Variants in LRRC3B observed in about 807,000 individuals in gnomAD.
LRRC3B encodes the protein leucine-rich repeat-containing protein 3B.
Under a neutral mutation model 12.8 loss-of-function variants are expected in LRRC3B, and 2 were observed. That is an observed-to-expected ratio of 0.16 (90% confidence interval 0.06 to 0.49). LRRC3B has a LOEUF of 0.49. Ranked by LOEUF, LRRC3B falls within the 20% of genes least tolerant of loss-of-function variation. LRRC3B has a pLI of 0.96. For missense variants in LRRC3B, 189 were observed against 319.4 expected (o/e 0.59, Z 3.11); for synonymous variants, 132 against 122.0 (o/e 1.08, Z -0.54).
At chr3:26,693,288 C>T (rs1478525148) in intron 1 of LRRC3B, among the ~76,000 whole-genome samples, 1 of 140,866 alleles carries the variant, frequency 7.1e-6, no homozygotes, top group South Asian at 2.3e-4. Context: ...GAGATCGCGC[C>T]ACTGCACTCC....
intron 1 of LRRC3B, among the ~76,000 whole-genome samples, chr3:26,681,884 A>T (rs1575157146): frequency 6.6e-6 from 1 of 152,220 alleles, no homozygotes; most frequent in Non-Finnish European, 1.5e-5. Flanking sequence ...TGAAGCCATG[A>T]ATAGTACTAA....
intron 1 of LRRC3B, among the ~76,000 whole-genome samples, chr3:26,690,703 T>C (rs561976102): frequency 3.9e-5 from 6 of 152,166 alleles, no homozygotes; most frequent in East Asian, 3.9e-4. Context: ...TTCCTTACTA[T>C]GTAAGGAAGA....
intron 1 of LRRC3B, among the ~76,000 whole-genome samples, chr3:26,626,168 G>A (rs1434369970): frequency 1.3e-5 from 2 of 152,212 alleles, no homozygotes; most frequent in Admixed American, 6.5e-5. Flanking sequence ...CTCAAAGTTT[G>A]TTGGGGTACA....
intron 1 of LRRC3B, among the ~76,000 whole-genome samples, chr3:26,656,909 T>C (rs978876907): frequency 2.0e-5 from 3 of 152,310 alleles, no homozygotes; most frequent in South Asian, 2.1e-4. Context: ...AAGACCTAGA[T>C]TTTGGAATAG....
At chr3:26,680,994 T>C (rs1044724200) in intron 1 of LRRC3B, among the ~76,000 whole-genome samples, 30 of 152,232 alleles carry the variant, frequency 2.0e-4, no homozygotes, top group African/African-American at 7.2e-4. Context: ...TTTTGTTCTC[T>C]CAAATATTTA....
chr3:26,652,546 A>G (rs1010726888), intron 1 of LRRC3B, among the ~76,000 whole-genome samples: 4 of 152,154 alleles, frequency 2.6e-5, no homozygotes, highest in Admixed American at 2.6e-4. Flanking sequence ...CAGTGGGGGG[A>G]AAATGTGTAG....
At chr3:26,654,307 G>T (rs541940448) in intron 1 of LRRC3B, among the ~76,000 whole-genome samples, 1 of 152,304 alleles carries the variant, frequency 6.6e-6, no homozygotes, top group African/African-American at 2.4e-5. Context: ...GTGAGCATGT[G>T]TAGCAATGCT....
At chr3:26,661,458 G>T (rs897241975) in intron 1 of LRRC3B, among the ~76,000 whole-genome samples, 13 of 151,936 alleles carry the variant, frequency 8.6e-5, no homozygotes, top group Non-Finnish European at 8.8e-5. Flanking sequence ...ATGTCTTTAG[G>T]TATGTAGTTG....
intron 1 of LRRC3B, among the ~76,000 whole-genome samples, chr3:26,652,634 C>G (rs1699288425): frequency 1.3e-5 from 2 of 152,132 alleles, no homozygotes; most frequent in Non-Finnish European, 2.9e-5. Context: ...AAGTATGTCT[C>G]TGCAAAGGCA....
At position 26,664,695 on chromosome 3, in the gene LRRC3B, T is replaced by C. The variant is rs35005575; in HGVS notation, c.-161+41458T>C. 5.0e-3 allele frequency among the ~76,000 whole-genome samples: 764 copies of C among 152,138 alleles called. 1 individual carries two copies. The highest frequency in any genetic ancestry group is 8.5e-3 in the Non-Finnish European group (575 of 67,976). On this transcript the variant is annotated intron_variant, in intron 1 of 1. Coordinates refer to ENST00000396641, the Ensembl canonical transcript of LRRC3B. ...CGAGAGAGACCCACAGAGAATAATT[T>C]TGGGTCAGTTCTGTGGTGGAGTTCT...
intron 1 of LRRC3B, among the ~76,000 whole-genome samples, chr3:26,677,492 A>G (rs1003840562): frequency 1.3e-5 from 2 of 152,170 alleles, no homozygotes; most frequent in East Asian, 3.9e-4. Flanking sequence ...CCACATTGGA[A>G]GGGCTGGCAG....
intron 1 of LRRC3B, among the ~76,000 whole-genome samples, chr3:26,648,852 G>T (rs1003603630): frequency 2.6e-5 from 4 of 152,210 alleles, no homozygotes; most frequent in African/African-American, 9.7e-5. Context: ...ATCAGCAAAT[G>T]ATCTGTAATA....
intron 1 of LRRC3B, among the ~76,000 whole-genome samples, chr3:26,627,217 C>T (rs923666877): frequency 2.6e-5 from 4 of 152,292 alleles, no homozygotes; most frequent in African/African-American, 4.8e-5. Context: ...TCCAAGAACA[C>T]CTCATGTCTT....
At chr3:26,661,236 C>T (rs963558043) in intron 1 of LRRC3B, among the ~76,000 whole-genome samples, 1 of 152,156 alleles carries the variant, frequency 6.6e-6, no homozygotes, top group African/African-American at 2.4e-5. Flanking sequence ...AGTCAAAAGG[C>T]AGATTCCTCT....
At chr3:26,671,413 G>GAGAGAGAGAGAGAGAGGGAGAGAGAC (rs9331540) in intron 1 of LRRC3B, among the ~76,000 whole-genome samples, 1 of 99,388 alleles carries the variant, frequency 1.0e-5, no homozygotes, top group African/African-American at 4.3e-5. Flanking sequence ...GAGAGAGAGA[G>GAGAGAGAGAGAGAGAGGGAGAGAGAC]ACGAAGTCTT....
At position 26,701,982 on chromosome 3, in the gene LRRC3B, C is replaced by A. The variant is rs144770221; in HGVS notation, c.-160-7531C>A. ...AGATGAATTCATCACTTAACAAATACCTGATGTGTAATAAATGCCAAGCAA... is the reference window on the plus strand; with the variant it reads ...AGATGAATTCATCACTTAACAAATAACTGATGTGTAATAAATGCCAAGCAA... On this transcript the variant is annotated intron_variant, in intron 1 of 1. Transcript: ENST00000396641. Among the ~76,000 whole-genome samples the A allele has an allele frequency of 5.3e-3, 799 of 152,186 alleles. 3 individuals carry two copies. The highest frequency in any genetic ancestry group is 0.02 in the South Asian group (97 of 4,820).
In LRRC3B at chr3:26,680,617, C is replaced by T. The variant is rs145889496; in HGVS notation, c.-160-28896C>T. Among the ~76,000 whole-genome samples the T allele has an allele frequency of 4.6e-3, 696 of 152,352 alleles. 1 individual carries two copies. Among genetic ancestry groups the T allele is most frequent in the South Asian group, 0.01 (50 of 4,832 alleles). ...GTCACAGCGTGCAATTCCTACTCTACATCCCAGTATTGTCCAAACAAACAA... is the reference window on the plus strand; with the variant it reads ...GTCACAGCGTGCAATTCCTACTCTATATCCCAGTATTGTCCAAACAAACAA... On this transcript the variant is annotated intron_variant, in intron 1 of 1. Transcript: ENST00000396641.
intron 1 of LRRC3B, chr3:26,624,046 G>A (rs1698566066): frequency 6.6e-6 from 1 of 152,400 alleles, no homozygotes; most frequent in Admixed American, 6.5e-5. Context: ...GGAGGGCGCT[G>A]GCCTGGGTAT....
chr3:26,648,069 G>T (rs1042337070), intron 1 of LRRC3B, among the ~76,000 whole-genome samples: 2 of 151,650 alleles, frequency 1.3e-5, no homozygotes, highest in African/African-American at 2.4e-5. Flanking sequence ...CCCATGTATG[G>T]TATAAAAAGT....
Sources: gnomAD v4.1 joint callset for allele counts (sites outside exome capture counted in the v4.1 genomes callset) on GRCh38, gnomAD v4.1.1 for gene constraint, MANE v1.5 for transcripts, NCBI Gene and HGNC (gene_info 2026-07-23, HGNC 2026-07-21) for gene names.